NCKAP5: variants seen among roughly 807,000 people sequenced by gnomAD.
The protein encoded by NCKAP5 is nck-associated protein 5.
NCKAP5 carries 92 observed loss-of-function variants against 167.0 expected under a neutral mutation model. That is an observed-to-expected ratio of 0.55 (90% confidence interval 0.47 to 0.66). The LOEUF is 0.66. Among genes scored for constraint, NCKAP5 ranks in the 30% least tolerant of loss-of-function variants. The pLI, the probability that NCKAP5 is intolerant of heterozygous loss-of-function variation, is 0.00. For missense variants in NCKAP5, 2,378 were observed against 2,315.0 expected (o/e 1.03, Z -0.56); for synonymous variants, 891 against 877.4 (o/e 1.02, Z -0.27).
intron 12 of NCKAP5, among the ~76,000 whole-genome samples, chr2:132,794,223 CATATATATATATATATATATATAT>C (rs1166750939): frequency 4.7e-5 from 1 of 21,178 alleles, no homozygotes; most frequent in African/African-American, 1.1e-4. Context: ...AATGTTTATA[CATATATATATATATATATATATAT>C]ATATATATAT....
At chr2:133,219,089 A>G (rs900941192) in intron 4 of NCKAP5, among the ~76,000 whole-genome samples, 2 of 152,220 alleles carry the variant, frequency 1.3e-5, no homozygotes, top group Non-Finnish European at 2.9e-5. Context: ...GGTGAAACAG[A>G]GAGTAAAATA....
chr2:133,387,869 C>A (rs1463328653), intron 3 of NCKAP5, among the ~76,000 whole-genome samples: 1 of 152,204 alleles, frequency 6.6e-6, no homozygotes, highest in African/African-American at 2.4e-5. Flanking sequence ...TCACATAGTT[C>A]TTGTGCCATG....
intron 7 of NCKAP5, among the ~76,000 whole-genome samples, chr2:132,987,301 T>C (rs2149286918): frequency 6.6e-6 from 1 of 152,286 alleles, no homozygotes; most frequent in South Asian, 2.1e-4. Flanking sequence ...TTAAGAATTA[T>C]AGTCTGTGGA....
At chr2:133,030,680 G>A (rs564962789) in intron 6 of NCKAP5, among the ~76,000 whole-genome samples, 397 of 152,222 alleles carry the variant, frequency 2.6e-3, no homozygotes, top group South Asian at 8.7e-3. Flanking sequence ...CATAAATAGC[G>A]GATACACAGG....
intron 4 of NCKAP5, among the ~76,000 whole-genome samples, chr2:133,215,179 T>C (rs1239263649): frequency 6.6e-6 from 1 of 152,136 alleles, no homozygotes; most frequent in Non-Finnish European, 1.5e-5. Flanking sequence ...ATGGAAGCCA[T>C]GTAGAGAGGC....
intron 12 of NCKAP5, among the ~76,000 whole-genome samples, chr2:132,794,263 T>TATATAGAGAG (rs762281677): frequency 8.4e-4 from 10 of 11,914 alleles, no homozygotes; most frequent in South Asian, 5.6e-3. Context: ...TATATATATA[T>TATATAGAGAG]AGAGAGAGAG....
At chr2:133,313,482 A>T (rs1202510287) in intron 3 of NCKAP5, among the ~76,000 whole-genome samples, 2 of 152,194 alleles carry the variant, frequency 1.3e-5, no homozygotes, top group Non-Finnish European at 2.9e-5. Flanking sequence ...TTTTTAGGTA[A>T]AAAGAGTTAT....
chr2:133,036,607 A>G (rs756151186), intron 6 of NCKAP5, among the ~76,000 whole-genome samples: 1 of 152,094 alleles, frequency 6.6e-6, no homozygotes, highest in Non-Finnish European at 1.5e-5. Flanking sequence ...AGCATTTGAT[A>G]TAATTCGACA....
rs368015494 is a variant in NCKAP5, at chr2:132,878,838, T to A, written c.648+10A>T. 1,129 of 1,606,460 alleles carry A rather than the reference T, an allele frequency of 7.0e-4. No individual in the cohort carries two copies. The highest frequency in any genetic ancestry group is 9.1e-4 in the Non-Finnish European group (1,063 of 1,173,128). On this transcript the variant is annotated intron_variant, in intron 9 of 19. Transcript: ENST00000409261. ...CAGCCTTGGATCAGGAGCCTCTCCATCCCCCTTACCTCATCAAGACATCGC... is the reference window on the plus strand; with the variant it reads ...CAGCCTTGGATCAGGAGCCTCTCCAACCCCCTTACCTCATCAAGACATCGC...
intron 16 of NCKAP5, among the ~76,000 whole-genome samples, chr2:132,763,038 T>C (rs1359173627): frequency 1.3e-5 from 2 of 152,178 alleles, no homozygotes; most frequent in East Asian, 3.8e-4. Context: ...CAGCACACCA[T>C]TGATCAGGGA....
At chr2:133,452,255 A>G (rs1020116112) in intron 3 of NCKAP5, among the ~76,000 whole-genome samples, 5 of 152,176 alleles carry the variant, frequency 3.3e-5, no homozygotes, top group African/African-American at 1.2e-4. Flanking sequence ...TGCTCCAAAG[A>G]CAAGGGAGAA....
At chr2:133,012,366 G>T (rs562938760) in intron 6 of NCKAP5, among the ~76,000 whole-genome samples, 1 of 152,110 alleles carries the variant, frequency 6.6e-6, no homozygotes, top group South Asian at 2.1e-4. Context: ...TCCTGCCTCA[G>T]CCTCCCTAGC....
chr2:133,632,434 A>C, the NCKAP5 span, among the ~76,000 whole-genome samples: 1 of 152,222 alleles, frequency 6.6e-6, no homozygotes, highest in Non-Finnish European at 1.5e-5. Flanking sequence ...GGAAAAAAAG[A>C]CTAGAAGAAA....
chr2:133,293,635 C>A (rs748093345), intron 4 of NCKAP5, among the ~76,000 whole-genome samples: 1 of 152,148 alleles, frequency 6.6e-6, no homozygotes, highest in Admixed American at 6.6e-5. Context: ...TAATAAGTAT[C>A]CTTTGGTGGA....
At chr2:133,584,200 A>G in the NCKAP5 span, among the ~76,000 whole-genome samples, 4 of 152,226 alleles carry the variant, frequency 2.6e-5, no homozygotes, top group African/African-American at 9.6e-5. Flanking sequence ...AGTCTCACAC[A>G]TGCACACACA....
chr2:132,977,811 A>C (rs1259279222), intron 7 of NCKAP5, among the ~76,000 whole-genome samples: 5 of 150,416 alleles, frequency 3.3e-5, no homozygotes, highest in African/African-American at 1.2e-4. Context: ...GGTAGGGCTG[A>C]ATTGCTTGAG....
intron 3 of NCKAP5, among the ~76,000 whole-genome samples, chr2:133,445,955 CTG>C (rs1029094668): frequency 5.3e-5 from 8 of 152,132 alleles, no homozygotes; most frequent in African/African-American, 1.9e-4. Context: ...GTGGAACCCA[CTG>C]TGTGTGTGTT....
intron 3 of NCKAP5, among the ~76,000 whole-genome samples, chr2:133,399,071 C>T (rs945700028): frequency 3.3e-5 from 5 of 152,122 alleles, no homozygotes; most frequent in Admixed American, 6.5e-5. Context: ...TCACAGAGAC[C>T]GAGGCCGCTG....
intron 6 of NCKAP5, among the ~76,000 whole-genome samples, chr2:133,018,829 G>A (rs2078432386): frequency 6.6e-6 from 1 of 152,174 alleles, no homozygotes; most frequent in Non-Finnish European, 1.5e-5. Context: ...TCAAAAAGAA[G>A]CCAGTTCACG....
Sources: gnomAD v4.1 joint callset for allele counts (sites outside exome capture counted in the v4.1 genomes callset) on GRCh38, gnomAD v4.1.1 for gene constraint, MANE v1.5 for transcripts, NCBI Gene and HGNC (gene_info 2026-07-23, HGNC 2026-07-21) for gene names.